PDE3A: variants seen among roughly 807,000 people sequenced by gnomAD.
PDE3A encodes the protein phosphodiesterase 3A.
A neutral mutation model predicts 98.3 loss-of-function variants in PDE3A; 43 were observed. The ratio of observed to expected loss-of-function variants is 0.44; its 90% CI spans 0.34 to 0.56. PDE3A has a LOEUF of 0.56. PDE3A is among the 20% of genes least tolerant of loss of function. PDE3A has a pLI of 0.01. For synonymous variants in PDE3A, 663 were observed against 567.9 expected, an observed-to-expected ratio of 1.17 and a Z score of -2.38; for missense variants, 1,427 against 1,440.7, an observed-to-expected ratio of 0.99 and a Z score of 0.15.
intron 1 of PDE3A, among the ~76,000 whole-genome samples, chr12:20,422,137 G>C (rs997146807): frequency 9.2e-5 from 14 of 152,230 alleles, no homozygotes; most frequent in Admixed American, 8.5e-4. Context: ...ACTAGGTCAG[G>C]AGATCGAGAC....
At chr12:20,392,669 A>C (rs1943940333) in intron 1 of PDE3A, among the ~76,000 whole-genome samples, 1 of 152,090 alleles carries the variant, frequency 6.6e-6, no homozygotes, top group Admixed American at 6.6e-5. Flanking sequence ...AAAGGAAATC[A>C]GTATGCTCCC....
intron 1 of PDE3A, among the ~76,000 whole-genome samples, chr12:20,519,445 A>G (rs1472029988): frequency 6.6e-6 from 1 of 152,214 alleles, no homozygotes; most frequent in Admixed American, 6.5e-5. Context: ...CTCAATTTTG[A>G]TATCCGCAAT....
chr12:20,502,687 C>A (rs564384753), intron 1 of PDE3A, among the ~76,000 whole-genome samples: 1 of 152,234 alleles, frequency 6.6e-6, no homozygotes, highest in Admixed American at 6.5e-5. Context: ...CCAATCTAAC[C>A]TTTCCAGTTT....
At chr12:20,630,211 C>G in intron 6 of PDE3A, 84 bp downstream of exon 6, 1 of 993,612 alleles carries the variant, frequency 1.0e-6, no homozygotes, top group Non-Finnish European at 1.6e-6. Context: ...GCCCACGCAG[C>G]TTGGGGTAGG....
At chr12:20,631,333 C>G (rs946620268) in intron 6 of PDE3A, among the ~76,000 whole-genome samples, 4 of 152,178 alleles carry the variant, frequency 2.6e-5, no homozygotes, top group African/African-American at 9.7e-5. Flanking sequence ...TCACAACACA[C>G]ATGGCTTTAT....
chr12:20,613,578 A>C lies in PDE3A; in HGVS notation c.1147A>C (p.Thr383Pro). ...GAGAGCCGTGAGCAACTTGCTCAGC[A>C]CACAGCTCACCTTCCAGGCCATTCA... is the stretch of plus-strand genomic sequence containing the variant. ...SLRAVSNLLS[T>P]QLTFQAIHKP... Residue 383 changes from threonine to proline, a missense_variant, in exon 3 of 16, where the codon ACA becomes CCA. Physicochemically the swap from Thr to Pro is conservative, Grantham distance 38 (BLOSUM62 -1). Around this residue, in one of 3 missense-constraint regions of PDE3A, gnomAD observed 1,012 missense variants for 886.5 expected, o/e 1.14. Transcript: ENST00000359062. 1 of 1,614,166 alleles carries C rather than the reference A, an allele frequency of 6.2e-7. No homozygotes were observed.
chr12:20,642,571 CAA>C lies in PDE3A; in HGVS notation c.2251+2616_2251+2617del, dbSNP rs574028203. Among the ~76,000 whole-genome samples the C allele has an allele frequency of 3.1e-3, 467 of 152,246 alleles. 4 individuals are homozygous for C. Among genetic ancestry groups the C allele is most frequent in the African/African-American group, 0.011 (440 of 41,556 alleles). On this transcript the variant is annotated intron_variant, in intron 10 of 15. Transcript: ENST00000359062. ...TATTTTTGAAGGTAGTTTTTATTTT[CAA>C]AGAGTTTCCTCTCTAAAGCATATTC...
chr12:20,580,148 A>G (rs540910954), intron 2 of PDE3A, among the ~76,000 whole-genome samples: 7 of 152,230 alleles, frequency 4.6e-5, no homozygotes, highest in Non-Finnish European at 8.8e-5. Flanking sequence ...CACCTTGCCC[A>G]TGATAGATTA....
At chr12:20,511,897 T>C (rs938797620) in intron 1 of PDE3A, among the ~76,000 whole-genome samples, 7 of 152,114 alleles carry the variant, frequency 4.6e-5, no homozygotes, top group Admixed American at 3.3e-4. Flanking sequence ...GTAATTAGAA[T>C]ACCAGTTTGC....
chr12:20,601,254 G>C (rs929425423), intron 2 of PDE3A, among the ~76,000 whole-genome samples: 1 of 151,920 alleles, frequency 6.6e-6, no homozygotes, highest in East Asian at 1.9e-4. Flanking sequence ...TTGTTTGTTT[G>C]TTTGTTTGTT....
intron 1 of PDE3A, among the ~76,000 whole-genome samples, chr12:20,464,583 G>T (rs572930653): frequency 6.6e-6 from 1 of 152,058 alleles, no homozygotes; most frequent in Non-Finnish European, 1.5e-5. Flanking sequence ...TGGCTATTAC[G>T]GTAAGATGTT....
intron 10 of PDE3A, 120 bp from the exon 11 acceptor site, chr12:20,646,370 G>A: frequency 3.2e-6 from 2 of 623,298 alleles, no homozygotes; most frequent in South Asian, 4.1e-5. Context: ...AGAAAGTTTG[G>A]CCAACTTTCA....
At chr12:20,435,924 G>GT (rs372749144) in intron 1 of PDE3A, among the ~76,000 whole-genome samples, 21 of 151,990 alleles carry the variant, frequency 1.4e-4, no homozygotes, top group Non-Finnish European at 2.1e-4. Context: ...GTTTTGTTTT[G>GT]TTTTTTGTGT....
intron 1 of PDE3A, chr12:20,553,031 A>G: frequency 6.8e-7 from 1 of 1,476,856 alleles, no homozygotes; most frequent in Non-Finnish European, 9.2e-7. Context: ...ACTTCTCGAC[A>G]GGCGTTTTGC....
intron 1 of PDE3A, among the ~76,000 whole-genome samples, chr12:20,428,137 G>C (rs1944631573): frequency 6.6e-6 from 1 of 151,992 alleles, no homozygotes; most frequent in African/African-American, 2.4e-5. Context: ...AATCCCAAAA[G>C]ACACAATTCT....
intron 5 of PDE3A, among the ~76,000 whole-genome samples, 199 bp from the exon 6 acceptor site, chr12:20,629,709 T>C (rs1944340301): frequency 6.6e-6 from 1 of 152,096 alleles, no homozygotes; most frequent in South Asian, 2.1e-4. Context: ...TTTATGATGA[T>C]TCATTCCTCC....
At chr12:20,621,256 G>A (rs778744954) in intron 4 of PDE3A, 40 bp from the exon 5 acceptor site, 1 of 1,143,228 alleles carries the variant, frequency 8.7e-7, no homozygotes, top group Non-Finnish European at 1.3e-6. Context: ...TGAATAATTT[G>A]TTTAATTTTC....
chr12:20,629,166 T>C (rs769400070), intron 5 of PDE3A, among the ~76,000 whole-genome samples: 1 of 152,188 alleles, frequency 6.6e-6, no homozygotes, highest in Non-Finnish European at 1.5e-5. Flanking sequence ...ATCGTCCTGG[T>C]CTTCCAACAG....
chr12:20,657,604 A>T (rs1397988488), intron 15 of PDE3A, among the ~76,000 whole-genome samples: 1 of 152,192 alleles, frequency 6.6e-6, no homozygotes, highest in Non-Finnish European at 1.5e-5. Context: ...CTGCATTTAG[A>T]ATTGGAGCAA....
Sources: allele counts gnomAD v4.1 joint callset (sites outside exome capture counted in the v4.1 genomes callset), GRCh38; gene constraint gnomAD v4.1.1; regional missense constraint gnomAD v4.1.1; transcripts MANE v1.5; gene names NCBI Gene and HGNC (gene_info 2026-07-23, HGNC 2026-07-21).